CIBAR1: variants seen among roughly 807,000 people sequenced by gnomAD.
CIBAR1 encodes the protein CBY1 interacting BAR domain containing 1.
In CIBAR1, 25 loss-of-function variants were observed where a neutral mutation model predicts 44.0. That is an observed-to-expected ratio of 0.57 (90% CI 0.41 to 0.79). The LOEUF (loss-of-function observed/expected upper bound fraction) is 0.79, where lower values mean the gene tolerates loss of function less well. CIBAR1 is among the 30% of genes least tolerant of loss of function. CIBAR1 has a pLI of 0.00. For missense variants in CIBAR1, 278 were observed against 344.8 expected, an observed-to-expected ratio of 0.81 and a Z score of 1.53; for synonymous variants, 115 against 119.0, an observed-to-expected ratio of 0.97 and a Z score of 0.22.
intron 7 of CIBAR1, chr8:93,719,479 C>A (rs1811160980): frequency 6.6e-6 from 1 of 152,106 alleles, no homozygotes; most frequent in African/African-American, 2.4e-5. Context: ...CTCATTCAAA[C>A]CTCAAAATCT....
At chr8:93,703,306 G>A (rs972411839) in intron 2 of CIBAR1, among the ~76,000 whole-genome samples, 1 of 152,168 alleles carries the variant, frequency 6.6e-6, no homozygotes, top group Non-Finnish European at 1.5e-5. Context: ...ATCCATTACT[G>A]TGCTGAACAC....
chr8:93,719,065 T>C (rs1021437878), intron 7 of CIBAR1, among the ~76,000 whole-genome samples: 4 of 152,124 alleles, frequency 2.6e-5, no homozygotes, highest in Non-Finnish European at 4.4e-5. Context: ...AGTTTCACCA[T>C]GTTAGCCAGG....
In CIBAR1 at chr8:93,701,467, T is replaced by C. The variant is rs1236256542; in HGVS notation, c.261+9T>C. 2 of 1,608,270 alleles carry C rather than the reference T, an allele frequency of 1.2e-6. No homozygotes were observed. The highest frequency in any genetic ancestry group is 8.5e-7 in the Non-Finnish European group (1 of 1,176,496). On this transcript the variant is annotated intron_variant, in intron 2 of 8. Coordinates refer to ENST00000518322, the MANE Select transcript of CIBAR1 (RefSeq NM_145269.5). ...ATTATCGACAAGCAGAGGTATGGAGTGAGATCACAGTGTCATTGTTATGAA... is the reference window on the plus strand; with the variant it reads ...ATTATCGACAAGCAGAGGTATGGAGCGAGATCACAGTGTCATTGTTATGAA...
intron 6 of CIBAR1, among the ~76,000 whole-genome samples, chr8:93,718,126 C>A (rs1230286179): frequency 6.6e-6 from 1 of 152,164 alleles, no homozygotes; most frequent in East Asian, 1.9e-4. Context: ...CTGGGCAAGT[C>A]AATATTTGTA....
At chr8:93,713,850 T>C (rs1810929474) in intron 6 of CIBAR1, among the ~76,000 whole-genome samples, 1 of 152,212 alleles carries the variant, frequency 6.6e-6, no homozygotes, top group African/African-American at 2.4e-5. Flanking sequence ...CTTATGTCAA[T>C]ACCACACTGT....
Position 93,731,393 on chromosome 8 carries a change from T to G in CIBAR1, c.*3096T>G, listed in dbSNP as rs1003738831. On this transcript the variant is annotated 3_prime_UTR_variant, in exon 9 of 9. Transcript: ENST00000518322. ...TACAATCTTTGCTCAATTAAAAATA[T>G]CATTTCTACTTTCTTCATTGTGCTT... 6.6e-6 allele frequency: 1 copy of G among 152,216 alleles called. No individual in the cohort carries two copies. Among genetic ancestry groups the G allele is most frequent in the Non-Finnish European group, 1.5e-5 (1 of 68,038 alleles). 9.4% of individuals were successfully genotyped at this position (152,216 alleles called of 1,614,324 possible).
intron 4 of CIBAR1, chr8:93,705,594 A>T (rs1435099471): frequency 6.6e-6 from 1 of 152,320 alleles, no homozygotes; most frequent in South Asian, 2.1e-4. Flanking sequence ...GTTCGTGAGT[A>T]AACAAAAGCA....
chr8:93,708,085 A>T (rs1451201709), intron 5 of CIBAR1, 69 bp downstream of exon 5: 35 of 1,237,864 alleles, frequency 2.8e-5, no homozygotes, highest in Non-Finnish European at 3.6e-5. Flanking sequence ...TTCAATTTAT[A>T]CATTTTCTTG....
chr8:93,717,734 C>A (rs930092620), intron 6 of CIBAR1, among the ~76,000 whole-genome samples: 1 of 152,126 alleles, frequency 6.6e-6, no homozygotes, highest in East Asian at 1.9e-4. Context: ...TAATATAATC[C>A]ATGCTTGAGT....
At chr8:93,701,481 C>A in intron 2 of CIBAR1, 23 bp downstream of exon 2, 1 of 1,593,618 alleles carries the variant, frequency 6.3e-7, no homozygotes, top group South Asian at 1.1e-5. Context: ...ATCACAGTGT[C>A]ATTGTTATGA....
intron 7 of CIBAR1, chr8:93,719,705 CAACT>C (rs1422724534): frequency 6.6e-6 from 1 of 152,096 alleles, no homozygotes; most frequent in African/African-American, 2.4e-5. Context: ...TCTGATTGGC[CAACT>C]AACATTAGAG....
chr8:93,718,711 T>G lies in CIBAR1; in HGVS notation c.580T>G (p.Phe194Val). The G allele has an allele frequency of 6.4e-7, 1 of 1,564,766 alleles. No homozygotes were observed. The highest frequency in any genetic ancestry group is 8.7e-7 in the Non-Finnish European group (1 of 1,153,492). ...FSEFITIEML[F>V]HGKALEVYTA... ...TGAATTTATCACAATCGAAATGTTA[T>G]TTCACGGCAAAGCTTTAGAGGTCTA... Residue 194 changes from phenylalanine to valine, a missense_variant, in exon 7 of 9, where the codon TTT becomes GTT. Around this residue, in one of 3 missense-constraint regions of CIBAR1, gnomAD observed 93 missense variants for 108.9 expected, o/e 0.85. Coordinates refer to ENST00000518322, the MANE Select transcript of CIBAR1 (RefSeq NM_145269.5).
intron 4 of CIBAR1, among the ~76,000 whole-genome samples, chr8:93,706,492 T>C (rs1810588437): frequency 6.6e-6 from 1 of 152,146 alleles, no homozygotes; most frequent in African/African-American, 2.4e-5. Context: ...CTTTGTGGCC[T>C]GGAGTTGGGG....
At chr8:93,701,127 C>G in intron 1 of CIBAR1, 97 bp from the exon 2 acceptor site, 1 of 1,513,970 alleles carries the variant, frequency 6.6e-7, no homozygotes, top group Non-Finnish European at 8.9e-7. Flanking sequence ...GCCTTCAAAG[C>G]TGCAGAATGC....
Position 93,709,686 on chromosome 8 carries a change from C to CA in CIBAR1, c.439-83dup, listed in dbSNP as rs758471500. ...CTGTTATGCCAAAAAGCCAGTACTG[C>CA]AATGGTAGAATTTACCAGTAGGCTC... On this transcript the variant is annotated intron_variant, in intron 5 of 8. Coordinates refer to ENST00000518322, the MANE Select transcript of CIBAR1 (RefSeq NM_145269.5). 7.6e-6 allele frequency: 8 copies of CA among 1,056,372 alleles called. No individual in the cohort carries two copies. In the East Asian group the frequency reaches 1.8e-4, roughly 24 times the overall value. 65.4% of individuals were successfully genotyped at this position (1,056,372 alleles called of 1,614,324 possible).
chr8:93,700,682 C>T lies in CIBAR1; in HGVS notation c.26+9C>T. On this transcript the variant is annotated intron_variant, in intron 1 of 8. Transcript: ENST00000518322. Reference sequence around the variant, plus strand: ...CGCACCCTGGAAAACCGGTAACAGCCCGAGCCCAGCTGCCCAGGGCCGCCC... The same window carrying T: ...CGCACCCTGGAAAACCGGTAACAGCTCGAGCCCAGCTGCCCAGGGCCGCCC... The T allele has an allele frequency of 1.3e-6, 2 of 1,504,100 alleles. No homozygotes were observed. The highest frequency in any genetic ancestry group is 1.8e-6 in the Non-Finnish European group (2 of 1,126,924). 93.2% of individuals were successfully genotyped at this position (1,504,100 alleles called of 1,614,324 possible).
Position 93,701,290 on chromosome 8 carries a change from C to G in CIBAR1, c.93C>G (p.Cys31Trp). Residue 31 changes from cysteine (C) to tryptophan (W), a missense_variant, in exon 2 of 9, where the codon TGC becomes TGG. This residue lies in a region of CIBAR1 where 183 missense variants were observed against 218.6 expected (regional missense o/e 0.84). Transcript: ENST00000518322. ...TGGAGAAGCATTTTGGAGAACTGTG[C>G]CAAATCTTCGCTGCCTATGTGCGGA... The part of the protein sequence containing the change: ...SNVEKHFGEL[C>W]QIFAAYVRKT... 6.2e-7 allele frequency: 1 copy of G among 1,613,766 alleles called. No individual in the cohort carries two copies. The highest frequency in any genetic ancestry group is 8.5e-7 in the Non-Finnish European group (1 of 1,179,806).
At chr8:93,708,331 C>G (rs896047107) in intron 5 of CIBAR1, among the ~76,000 whole-genome samples, 2 of 151,970 alleles carry the variant, frequency 1.3e-5, no homozygotes, top group African/African-American at 4.8e-5. Context: ...TTTTGGGCAA[C>G]TTTTGTTCTA....
intron 7 of CIBAR1, among the ~76,000 whole-genome samples, chr8:93,722,958 C>T (rs1811323243): frequency 1.3e-5 from 2 of 152,154 alleles, no homozygotes; most frequent in Admixed American, 1.3e-4. Flanking sequence ...TGTTTCTCCT[C>T]CAAATACCAG....
Sources: allele counts gnomAD v4.1 joint callset (sites outside exome capture counted in the v4.1 genomes callset), GRCh38; gene constraint gnomAD v4.1.1; regional missense constraint gnomAD v4.1.1; transcripts MANE v1.5; gene names NCBI Gene and HGNC (gene_info 2026-07-23, HGNC 2026-07-21).